Variants in TRIM24 observed in about 807,000 individuals in gnomAD.
TRIM24 encodes the protein transcription intermediary factor 1-alpha.
In TRIM24, 29 loss-of-function variants were observed where a neutral mutation model predicts 123.9. That is an observed-to-expected ratio of 0.23 (90% CI 0.17 to 0.32). TRIM24 has a LOEUF of 0.32. Ranked by LOEUF, TRIM24 falls within the 10% of genes least tolerant of loss-of-function variation. The probability of loss-of-function intolerance (pLI) is 1.00; values close to 1 mark genes in which losing one functional copy is unlikely to be tolerated. For missense variants in TRIM24, 932 were observed against 1,295.3 expected, an observed-to-expected ratio of 0.72 and a Z score of 4.31; for synonymous variants, 456 against 461.1, an observed-to-expected ratio of 0.99 and a Z score of 0.14.
intron 7 of TRIM24, among the ~76,000 whole-genome samples, chr7:138,548,236 A>G (rs1797139844): frequency 6.6e-6 from 1 of 152,176 alleles, no homozygotes; most frequent in Non-Finnish European, 1.5e-5. Context: ...TGTACAGCAT[A>G]TCACTGTACT....
intron 2 of TRIM24, chr7:138,514,468 C>T (rs191360981): frequency 6.6e-6 from 1 of 152,330 alleles, no homozygotes; most frequent in East Asian, 1.9e-4. Context: ...CCAGTCTTCC[C>T]CTGAATCGCA....
At chr7:138,483,895 G>A (rs1249612314) in intron 1 of TRIM24, among the ~76,000 whole-genome samples, 1 of 152,120 alleles carries the variant, frequency 6.6e-6, no homozygotes, top group Non-Finnish European at 1.5e-5. Flanking sequence ...GTGCCTGGTC[G>A]CTTTGATAAA....
chr7:138,464,581 CTG>C (rs946550397), intron 1 of TRIM24, among the ~76,000 whole-genome samples: 5 of 152,030 alleles, frequency 3.3e-5, no homozygotes, highest in African/African-American at 1.2e-4. Flanking sequence ...AATTCTGAAT[CTG>C]GATTTTTGAA....
intron 13 of TRIM24, 145 bp downstream of exon 13, chr7:138,576,590 TAATG>T (rs1797765494): frequency 8.6e-6 from 5 of 584,032 alleles, no homozygotes; most frequent in South Asian, 3.2e-5. Context: ...CTATATATTT[TAATG>T]AATTAGTTAA....
At position 138,573,522 on chromosome 7, in the gene TRIM24, A is replaced by G. The variant is rs1262436780; in HGVS notation, c.1894A>G (p.Thr632Ala). The change falls in exon 12 of 19, where the codon ACT becomes GCT. Residue 632 changes from threonine (T) to alanine (A), a missense_variant. This residue lies in a region of TRIM24 where 527 missense variants were observed against 691.3 expected (regional missense o/e 0.76). Transcript: ENST00000343526. The part of the protein sequence containing the change: ...PSLPDIDCSS[T>A]IMLDNIVRKD... ...TTCTTGTAAGATTGACTGTTCAAGT[A>G]CTATTATGCTGGACAATATTGTGAG... The G allele has an allele frequency of 3.8e-6, 6 of 1,595,188 alleles. No individual in the cohort carries two copies. The highest frequency in any genetic ancestry group is 5.1e-6 in the Non-Finnish European group (6 of 1,172,676).
intron 1 of TRIM24, chr7:138,490,856 G>T (rs1407736708): frequency 3.5e-5 from 16 of 457,306 alleles, no homozygotes; most frequent in Middle Eastern, 3.9e-4. Flanking sequence ...GTCAGGTCAT[G>T]ATTTCCAGCA....
At chr7:138,478,337 A>G (rs533174609) in intron 1 of TRIM24, among the ~76,000 whole-genome samples, 52 of 152,270 alleles carry the variant, frequency 3.4e-4, no homozygotes, top group Middle Eastern at 3.4e-3. Flanking sequence ...GATTAATATT[A>G]TAGGTCAGGG....
At chr7:138,462,019 C>G (rs1227778757) in intron 1 of TRIM24, among the ~76,000 whole-genome samples, 1 of 152,182 alleles carries the variant, frequency 6.6e-6, no homozygotes, top group Non-Finnish European at 1.5e-5. Flanking sequence ...TCACTCTTGC[C>G]AGCACCCTTG....
chr7:138,550,313 TTGA>T (rs986337185), intron 7 of TRIM24, among the ~76,000 whole-genome samples: 6 of 135,076 alleles, frequency 4.4e-5, no homozygotes, highest in African/African-American at 8.2e-5. Flanking sequence ...GAAAGAGGAG[TTGA>T]TGGTGTGTGT....
chr7:138,578,990 C>T (rs886677416), intron 14 of TRIM24, among the ~76,000 whole-genome samples: 16 of 150,742 alleles, frequency 1.1e-4, no homozygotes, highest in Admixed American at 3.3e-4. Context: ...ATTTCTGTAG[C>T]CATCCCCAGA....
Position 138,551,186 on chromosome 7 carries a change from C to T in TRIM24, c.1261+6C>T, listed in dbSNP as rs1176009867. ...TCAAAATATCATCAACTTAGGTGGG[C>T]CATTACCATTACATACATTTCTCAG... is the stretch of plus-strand genomic sequence containing the variant. On this transcript the variant is annotated splice_donor_region_variant and intron_variant, in intron 8 of 18. Coordinates refer to ENST00000343526, the MANE Select transcript of TRIM24 (RefSeq NM_015905.3). 1 of 1,583,778 alleles carries T rather than the reference C, an allele frequency of 6.3e-7. No individual in the cohort carries two copies. The highest frequency in any genetic ancestry group is 8.7e-7 in the Non-Finnish European group (1 of 1,152,654).
chr7:138,500,388 T>C (rs1271762179), intron 1 of TRIM24, among the ~76,000 whole-genome samples: 2 of 151,162 alleles, frequency 1.3e-5, no homozygotes, highest in African/African-American at 4.9e-5. Flanking sequence ...AGTGAAACCC[T>C]GTCTCTACTA....
rs550899125 is a variant in TRIM24, at chr7:138,567,744, A to G, written c.1704+90A>G. 96 of 1,332,994 alleles carry G rather than the reference A, an allele frequency of 7.2e-5. 2 individuals are homozygous for G. The South Asian group carries it at 1.6e-3, about 22-fold the overall frequency. 82.6% of individuals were successfully genotyped at this position (1,332,994 alleles called of 1,614,324 possible). A position where few individuals can be genotyped will look rare whatever the true frequency, so the allele number is the denominator to read the frequency against. ...ATTTACAGATTAAGCAACAGGTTAT[A>G]AAGAGCCAAGAGCAAGCCTTCTTTT... is the stretch of plus-strand genomic sequence containing the variant. On this transcript the variant is annotated intron_variant, in intron 10 of 18. Coordinates refer to ENST00000343526, the MANE Select transcript of TRIM24 (RefSeq NM_015905.3).
intron 1 of TRIM24, among the ~76,000 whole-genome samples, chr7:138,475,901 A>C (rs1795385622): frequency 6.6e-6 from 1 of 152,186 alleles, no homozygotes; most frequent in Admixed American, 6.5e-5. Context: ...CAAATATAAT[A>C]AAAAGGGGTT....
chr7:138,462,705 C>G (rs1443951769), intron 1 of TRIM24, among the ~76,000 whole-genome samples: 1 of 152,052 alleles, frequency 6.6e-6, no homozygotes, highest in Non-Finnish European at 1.5e-5. Context: ...CCCTGTGTCT[C>G]TGACCCTTGA....
intron 6 of TRIM24, among the ~76,000 whole-genome samples, chr7:138,530,513 A>G (rs1000166907): frequency 1.1e-4 from 16 of 152,060 alleles, no homozygotes; most frequent in African/African-American, 3.6e-4. Context: ...TTGCCCAGAC[A>G]GAAGTGCAAT....
At chr7:138,555,103 T>G in intron 9 of TRIM24, 137 bp downstream of exon 9, 3 of 860,942 alleles carry the variant, frequency 3.5e-6, no homozygotes, top group South Asian at 2.1e-5. Flanking sequence ...TAAGGATCCC[T>G]GATTTAATGC....
chr7:138,525,834 T>G (rs1335668052), intron 5 of TRIM24, among the ~76,000 whole-genome samples: 1 of 152,192 alleles, frequency 6.6e-6, no homozygotes, highest in African/African-American at 2.4e-5. Context: ...CGCACACTTT[T>G]TACTTCTTGT....
intron 7 of TRIM24, among the ~76,000 whole-genome samples, chr7:138,539,610 C>T (rs914984615): frequency 1.1e-4 from 17 of 151,972 alleles, no homozygotes; most frequent in African/African-American, 3.9e-4. Flanking sequence ...ATTTATACTC[C>T]GAAGTATACT....
Sources: gnomAD v4.1 joint callset for allele counts (sites outside exome capture counted in the v4.1 genomes callset) on GRCh38, gnomAD v4.1.1 for gene constraint, gnomAD v4.1.1 regional missense constraint, MANE v1.5 for transcripts, NCBI Gene and HGNC (gene_info 2026-07-23, HGNC 2026-07-21) for gene names.